The following PDE1C variants were observed in gnomAD, a reference collection of about 807,000 sequenced individuals.
The protein encoded by PDE1C is phosphodiesterase 1C.
Under a neutral mutation model 93.1 loss-of-function variants are expected in PDE1C, and 62 were observed. That is an observed-to-expected ratio of 0.67 (90% CI 0.54 to 0.82). The LOEUF is 0.82. Among genes scored for constraint, PDE1C ranks in the 40% least tolerant of loss-of-function variants. The pLI, the probability that PDE1C is intolerant of heterozygous loss-of-function variation, is 0.00. For synonymous variants in PDE1C, 325 were observed against 310.1 expected (o/e 1.05, Z -0.50); for missense variants, 742 against 884.6 (o/e 0.84, Z 2.04).
At chr7:31,646,380 C>T in the PDE1C span, among the ~76,000 whole-genome samples, 1 of 152,084 alleles carries the variant, frequency 6.6e-6, no homozygotes, top group Non-Finnish European at 1.5e-5. Flanking sequence ...AGTGGGCCTC[C>T]AGCACCTGGG....
intron 2 of PDE1C, among the ~76,000 whole-genome samples, chr7:31,928,785 C>A (rs956656766): frequency 1.3e-5 from 2 of 152,058 alleles, no homozygotes; most frequent in African/African-American, 4.8e-5. Flanking sequence ...CTGAAGGAAG[C>A]ACTAAATATG....
chr7:32,220,619 T>A (rs913871872), intron 1 of PDE1C, among the ~76,000 whole-genome samples: 1 of 151,786 alleles, frequency 6.6e-6, no homozygotes, highest in Non-Finnish European at 1.5e-5. Context: ...ATCGAGACCA[T>A]CCTGGCTAAC....
At chr7:31,716,244 C>T in the PDE1C span, among the ~76,000 whole-genome samples, 1 of 152,126 alleles carries the variant, frequency 6.6e-6, no homozygotes, top group Non-Finnish European at 1.5e-5. Flanking sequence ...TCTTCCTACC[C>T]ATCACCTTCC....
intron 17 of PDE1C, among the ~76,000 whole-genome samples, chr7:31,759,521 C>T (rs1475469567): frequency 6.6e-6 from 1 of 152,180 alleles, no homozygotes; most frequent in Non-Finnish European, 1.5e-5. Context: ...TTAAAAAAGT[C>T]TGGCCTCATC....
chr7:32,231,390 A>T (rs1807680583), intron 1 of PDE1C, among the ~76,000 whole-genome samples: 1 of 152,180 alleles, frequency 6.6e-6, no homozygotes, highest in Non-Finnish European at 1.5e-5. Flanking sequence ...GGACAACTAT[A>T]TGTCAATAAA....
rs1804098092 is a variant in PDE1C at position 32,189,598 on chromosome 7, G to A, written c.137-19642C>T. Among the ~76,000 whole-genome samples, 4 of 152,152 alleles carry A rather than the reference G, an allele frequency of 2.6e-5. No homozygotes were observed. In the South Asian group the frequency reaches 8.3e-4, roughly 32 times the overall value. On this transcript the variant is annotated intron_variant, in intron 2 of 18. Transcript: ENST00000396193. ...TAACCTCATTATAAAAATTTGGTGG[G>A]AATGAATTCAGGGATATAGTATATA...
In PDE1C at chr7:32,398,166, A is replaced by G. The variant is rs1784872221; in HGVS notation, c.310+29656T>C. ...AGACTCCGTCTCAAAAAAAAAAATT[A>G]GCCAAGCATGATGGCATGCACCTGT... On this transcript the variant is annotated intron_variant, in intron 1 of 1. Coordinates refer to the PDE1C transcript ENST00000672256. Among the ~76,000 whole-genome samples the G allele has an allele frequency of 2.0e-5, 3 of 151,364 alleles. No individual in the cohort carries two copies. The South Asian group carries it at 6.3e-4, about 32-fold the overall frequency.
intron 1 of PDE1C, among the ~76,000 whole-genome samples, chr7:32,297,710 A>G (rs1812670530): frequency 6.6e-6 from 1 of 152,140 alleles, no homozygotes; most frequent in Non-Finnish European, 1.5e-5. Flanking sequence ...TTTGGGGGAA[A>G]GAAAACAGGA....
chr7:32,145,364 C>A (rs377024635), intron 3 of PDE1C, among the ~76,000 whole-genome samples: 3 of 152,134 alleles, frequency 2.0e-5, no homozygotes, highest in Non-Finnish European at 4.4e-5. Context: ...TTAGCTGACA[C>A]GTTCCAGACC....
intron 2 of PDE1C, among the ~76,000 whole-genome samples, chr7:32,180,151 T>C (rs1803296511): frequency 6.6e-6 from 1 of 152,154 alleles, no homozygotes; most frequent in African/African-American, 2.4e-5. Context: ...GTTTTGAATA[T>C]CTTAAATCAG....
chr7:31,817,989 G>A (rs958426144), intron 14 of PDE1C, among the ~76,000 whole-genome samples: 3 of 152,070 alleles, frequency 2.0e-5, no homozygotes, highest in Non-Finnish European at 2.9e-5. Context: ...CCAAACCAAT[G>A]CCCTAGCCTC....
At chr7:31,769,417 G>A (rs1043595244) in intron 17 of PDE1C, among the ~76,000 whole-genome samples, 2 of 152,046 alleles carry the variant, frequency 1.3e-5, no homozygotes, top group Non-Finnish European at 2.9e-5. Context: ...ATTTGTTTTT[G>A]TTTAGTTATG....
intron 2 of PDE1C, among the ~76,000 whole-genome samples, chr7:32,011,600 G>A (rs1787124922): frequency 6.6e-6 from 1 of 152,186 alleles, no homozygotes; most frequent in Admixed American, 6.5e-5. Context: ...ATTAGATGTT[G>A]CAGAAATACA....
chr7:32,367,520 C>T (rs1017948683), intron 1 of PDE1C, among the ~76,000 whole-genome samples: 4 of 152,140 alleles, frequency 2.6e-5, no homozygotes, highest in South Asian at 2.1e-4. Flanking sequence ...AAGAAACTCA[C>T]CTCACCTGTA....
chr7:32,052,873 G>T (rs1433642965), intron 1 of PDE1C, among the ~76,000 whole-genome samples: 3 of 152,062 alleles, frequency 2.0e-5, no homozygotes, highest in Non-Finnish European at 4.4e-5. Flanking sequence ...CAGGGTAGTA[G>T]GATGACAAAT....
intron 9 of PDE1C, among the ~76,000 whole-genome samples, chr7:31,842,269 A>G (rs1792005046): frequency 6.6e-6 from 1 of 152,094 alleles, no homozygotes; most frequent in Non-Finnish European, 1.5e-5. Flanking sequence ...ATTCCTTTTT[A>G]TGAATTTTTT....
chr7:31,620,506 G>C, the PDE1C span, among the ~76,000 whole-genome samples: 1 of 151,126 alleles, frequency 6.6e-6, no homozygotes, highest in East Asian at 1.9e-4. Context: ...ACAGGGTCTG[G>C]AGTGGACCTC....
chr7:31,888,361 C>T (rs1323703804), intron 2 of PDE1C, among the ~76,000 whole-genome samples: 2 of 150,108 alleles, frequency 1.3e-5, no homozygotes, highest in African/African-American at 4.9e-5. Flanking sequence ...TAGGCAATAG[C>T]AAAAAATAAG....
chr7:31,907,982 G>A (rs1800799239), intron 2 of PDE1C, among the ~76,000 whole-genome samples: 1 of 151,940 alleles, frequency 6.6e-6, no homozygotes, highest in African/African-American at 2.4e-5. Flanking sequence ...GGCAGGGTGA[G>A]ATAAATAAAT....
Sources: gnomAD v4.1 joint callset for allele counts (sites outside exome capture counted in the v4.1 genomes callset) on GRCh38, gnomAD v4.1.1 for gene constraint, MANE v1.5 for transcripts, NCBI Gene and HGNC (gene_info 2026-07-23, HGNC 2026-07-21) for gene names.